CCDC73: variants seen among roughly 807,000 people sequenced by gnomAD.
The protein encoded by CCDC73 is coiled-coil domain-containing protein 73.
Under a neutral mutation model 116.5 loss-of-function variants are expected in CCDC73, and 95 were observed. The ratio of observed to expected loss-of-function variants is 0.82; its 90% CI spans 0.69 to 0.97. The LOEUF is 0.97. CCDC73 is among the 50% of genes least tolerant of loss of function. The pLI, the probability that CCDC73 is intolerant of heterozygous loss-of-function variation, is 0.00. For synonymous variants in CCDC73, 398 were observed against 401.3 expected, an observed-to-expected ratio of 0.99 and a Z score of 0.10; for missense variants, 1,066 against 1,206.8, an observed-to-expected ratio of 0.88 and a Z score of 1.73.
chr11:32,825,913 T>A, the CCDC73 span, among the ~76,000 whole-genome samples: 44 of 152,252 alleles, frequency 2.9e-4, no homozygotes, highest in African/African-American at 1.1e-3. Context: ...CTGTCATAGG[T>A]CCCTGGGGGC....
At chr11:32,609,888 T>G (rs1389823953) in intron 17 of CCDC73, among the ~76,000 whole-genome samples, 2 of 151,740 alleles carry the variant, frequency 1.3e-5, no homozygotes, top group Non-Finnish European at 2.9e-5. Flanking sequence ...CACGCCATTC[T>G]CCTGCCTCAG....
At position 32,736,280 on chromosome 11, in the gene CCDC73, C is replaced by G. The variant is rs975025417; in HGVS notation, c.136-18133G>C. 8.3e-4 allele frequency among the ~76,000 whole-genome samples: 126 copies of G among 152,216 alleles called. 2 individuals are homozygous for G. The East Asian group carries it at 0.021, about 25-fold the overall frequency. The stretch of plus-strand genomic sequence containing the variant: ...TACTCATCTGACAAAGGGCTAATAT[C>G]CAGAATCTACAAAGAACTCAAACAA... On this transcript the variant is annotated intron_variant, in intron 2 of 17. Transcript: ENST00000335185.
chr11:32,808,860 C>G, the CCDC73 span, among the ~76,000 whole-genome samples: 1 of 152,330 alleles, frequency 6.6e-6, no homozygotes, highest in East Asian at 1.9e-4. Flanking sequence ...TCCTACTACT[C>G]AGACATTATT....
intron 2 of CCDC73, among the ~76,000 whole-genome samples, chr11:32,737,430 T>C (rs962263638): frequency 6.6e-6 from 1 of 151,920 alleles, no homozygotes; most frequent in Admixed American, 6.6e-5. Context: ...CTGGCCAACA[T>C]AGTAAAACCC....
At chr11:32,640,619 T>C (rs933675640) in intron 13 of CCDC73, among the ~76,000 whole-genome samples, 1 of 152,190 alleles carries the variant, frequency 6.6e-6, no homozygotes, top group East Asian at 1.9e-4. Context: ...TAACGATTTT[T>C]TAGTATTCTG....
chr11:32,684,311 T>C (rs571634924), intron 6 of CCDC73, among the ~76,000 whole-genome samples: 12 of 152,254 alleles, frequency 7.9e-5, no homozygotes, highest in Non-Finnish European at 1.6e-4. Context: ...CCTTGCCCTC[T>C]TATAGTGCTG....
intron 14 of CCDC73, among the ~76,000 whole-genome samples, chr11:32,619,038 G>T (rs201907): frequency 0.43 from 65,926 of 151,978 alleles, 14,721 homozygotes; most frequent in African/African-American, 0.49. Flanking sequence ...TTTGTTTATT[G>T]CTTGTTCATT....
intron 14 of CCDC73, among the ~76,000 whole-genome samples, chr11:32,626,416 G>C (rs536477299): frequency 4.6e-5 from 7 of 152,072 alleles, no homozygotes; most frequent in Non-Finnish European, 1.0e-4. Flanking sequence ...GTAATTTATA[G>C]ATTCAATGCC....
chr11:32,704,155 C>T (rs547746563), intron 3 of CCDC73, among the ~76,000 whole-genome samples: 94 of 152,322 alleles, frequency 6.2e-4, no homozygotes, highest in African/African-American at 2.0e-3. Flanking sequence ...GGCAGGAGCC[C>T]GTGCTCCCAG....
At chr11:32,635,546 C>T (rs1189510950) in intron 14 of CCDC73, 150 bp downstream of exon 14, 2 of 658,056 alleles carry the variant, frequency 3.0e-6, no homozygotes, top group Middle Eastern at 3.7e-4. Context: ...ATACTGTATA[C>T]AAAAATTAAC....
rs1849771437 is a variant in CCDC73 at position 32,698,010 on chromosome 11, A to ATTTTTTTTTTTTTTTTTTTTTTT, written c.390+1240_390+1241insAAAAAAAAAAAAAAAAAAAAAAA. On this transcript the variant is annotated intron_variant, in intron 6 of 17. Coordinates refer to ENST00000335185, the MANE Select transcript of CCDC73 (RefSeq NM_001008391.4). ...TCTGTTGTTTCTTTGTCTAACACTG[A>ATTTTTTTTTTTTTTTTTTTTTTT]ATTTTTTTTTTTTTTTTTTTTTTTT... 2.5e-5 allele frequency among the ~76,000 whole-genome samples: 3 copies of ATTTTTTTTTTTTTTTTTTTTTTT among 117,758 alleles called. 1 individual carries two copies. Among genetic ancestry groups the ATTTTTTTTTTTTTTTTTTTTTTT allele is most frequent in the African/African-American group, 3.3e-5 (1 of 29,924 alleles). 77.3% of individuals were successfully genotyped at this position (117,758 alleles called of 152,430 possible).
At chr11:32,738,690 A>C (rs1850157154) in intron 2 of CCDC73, among the ~76,000 whole-genome samples, 2 of 152,100 alleles carry the variant, frequency 1.3e-5, no homozygotes, top group African/African-American at 4.8e-5. Context: ...GCTGTGCAGA[A>C]GCTTTTCAGC....
intron 7 of CCDC73, 107 bp downstream of exon 7, chr11:32,683,429 T>A (rs1856165820): frequency 2.7e-6 from 2 of 748,214 alleles, no homozygotes; most frequent in South Asian, 2.9e-5. Flanking sequence ...ATATTCAGTT[T>A]CAACAATTAA....
the CCDC73 span, among the ~76,000 whole-genome samples, chr11:32,822,579 A>T: frequency 6.6e-6 from 1 of 152,212 alleles, no homozygotes; most frequent in Non-Finnish European, 1.5e-5. Flanking sequence ...GGTCCTAAGG[A>T]AAGCAATTAT....
chr11:32,743,865 T>C (rs927226545), intron 2 of CCDC73, among the ~76,000 whole-genome samples: 1 of 152,214 alleles, frequency 6.6e-6, no homozygotes, highest in Non-Finnish European at 1.5e-5. Flanking sequence ...AGAGACAATT[T>C]GACTTCCTCT....
intron 14 of CCDC73, among the ~76,000 whole-genome samples, chr11:32,634,429 C>G (rs903881054): frequency 3.3e-5 from 5 of 152,070 alleles, no homozygotes; most frequent in African/African-American, 1.2e-4. Flanking sequence ...CAGAAAAAAG[C>G]ATTTGACAAA....
chr11:32,756,879 A>G (rs1185048592), intron 2 of CCDC73, among the ~76,000 whole-genome samples: 1 of 152,154 alleles, frequency 6.6e-6, no homozygotes, highest in Non-Finnish European at 1.5e-5. Flanking sequence ...ATTTGCAATA[A>G]AGATTTGGGA....
chr11:32,648,251 A>G (rs1242766344), intron 12 of CCDC73, among the ~76,000 whole-genome samples: 1 of 152,162 alleles, frequency 6.6e-6, no homozygotes, highest in East Asian at 1.9e-4. Context: ...TGCTAAGTAA[A>G]TTACCATTGT....
chr11:32,648,197 T>C (rs993833543), intron 12 of CCDC73, among the ~76,000 whole-genome samples: 21 of 152,268 alleles, frequency 1.4e-4, no homozygotes, highest in African/African-American at 5.1e-4. Context: ...TTGCAAATCC[T>C]GACCATTTCT....
Sources: allele counts gnomAD v4.1 joint callset (sites outside exome capture counted in the v4.1 genomes callset), GRCh38; gene constraint gnomAD v4.1.1; transcripts MANE v1.5; gene names NCBI Gene and HGNC (gene_info 2026-07-23, HGNC 2026-07-21).